Variants in CADPS2 observed in about 807,000 individuals in gnomAD.
CADPS2 encodes calcium dependent secretion activator 2, also known as calcium-dependent secretion activator 2.
CADPS2 carries 93 observed loss-of-function variants against 172.5 expected under a neutral mutation model. That is an observed-to-expected ratio of 0.54 (90% CI 0.46 to 0.64). The LOEUF (loss-of-function observed/expected upper bound fraction) is 0.64, where lower values mean the gene tolerates loss of function less well. Ranked by LOEUF, CADPS2 falls within the 30% of genes least tolerant of loss-of-function variation. The probability of loss-of-function intolerance (pLI) is 0.00; values close to 1 mark genes in which losing one functional copy is unlikely to be tolerated. For synonymous variants in CADPS2, 546 were observed against 555.2 expected, an observed-to-expected ratio of 0.98 and a Z score of 0.23; for missense variants, 1,420 against 1,565.9, an observed-to-expected ratio of 0.91 and a Z score of 1.57.
chr7:122,457,709 T>C (rs2053957699), intron 14 of CADPS2, among the ~76,000 whole-genome samples: 1 of 152,224 alleles, frequency 6.6e-6, no homozygotes, highest in Non-Finnish European at 1.5e-5. Flanking sequence ...GTTCTATTAC[T>C]TAATGAAAAC....
intron 9 of CADPS2, among the ~76,000 whole-genome samples, chr7:122,504,776 A>G (rs978894632): frequency 6.6e-6 from 1 of 151,878 alleles, no homozygotes; most frequent in Non-Finnish European, 1.5e-5. Flanking sequence ...CGTTGTTCAG[A>G]CTGGTCTCAA....
chr7:122,775,454 C>T (rs1479262419), intron 1 of CADPS2, among the ~76,000 whole-genome samples: 1 of 152,156 alleles, frequency 6.6e-6, no homozygotes, highest in Non-Finnish European at 1.5e-5. Context: ...CTGTGTCACA[C>T]CTGAGAAAAC....
intron 1 of CADPS2, among the ~76,000 whole-genome samples, chr7:122,742,320 G>A (rs745476131): frequency 2.6e-5 from 4 of 151,776 alleles, no homozygotes; most frequent in South Asian, 4.1e-4. Flanking sequence ...GCTTGAACCC[G>A]AGAGGCAGAG....
In CADPS2 at chr7:122,538,404, T is replaced by TA. The variant is rs769070728; in HGVS notation, c.1475+16145dup. On this transcript the variant is annotated intron_variant, in intron 8 of 29. Coordinates refer to ENST00000449022, the MANE Select transcript of CADPS2 (RefSeq NM_017954.11). ...AACACAAGGAGAAGCTTAATTAGTT[T>TA]AAAAAAAAAAAAAAGAACATTTACC... Among the ~76,000 whole-genome samples, 1,117 of 135,238 alleles carry TA rather than the reference T, an allele frequency of 8.3e-3. 6 individuals carry two copies. Among genetic ancestry groups the TA allele is most frequent in the African/African-American group, 0.019 (705 of 37,296 alleles). The allele number at this position is 135,238 out of a possible 152,430, so 88.7% of individuals were successfully genotyped here. A position where few individuals can be genotyped will look rare whatever the true frequency, so the allele number is the denominator to read the frequency against.
chr7:122,737,156 A>G lies in CADPS2; in HGVS notation c.340-88T>C, dbSNP rs190035785. Reference sequence around the variant, plus strand: ...AAAAATCATATTTGCTGTATATTAGATTTCACATCTAGAATTAACTTTATA... The same window carrying G: ...AAAAATCATATTTGCTGTATATTAGGTTTCACATCTAGAATTAACTTTATA... On this transcript the variant is annotated intron_variant, in intron 1 of 29. Coordinates refer to ENST00000449022, the MANE Select transcript of CADPS2 (RefSeq NM_017954.11). The G allele has an allele frequency of 1.5e-4, 102 of 681,436 alleles. No homozygotes were observed. In the East Asian group the frequency reaches 1.5e-3, roughly 10 times the overall value. 42.2% of individuals were successfully genotyped at this position (681,436 alleles called of 1,614,324 possible).
At chr7:122,424,859 T>A (rs919625796) in intron 17 of CADPS2, among the ~76,000 whole-genome samples, 2 of 152,208 alleles carry the variant, frequency 1.3e-5, no homozygotes, top group African/African-American at 4.8e-5. Context: ...AAGAAAGTTT[T>A]CTATGCTGTC....
chr7:122,375,492 T>C (rs146837854), intron 25 of CADPS2, among the ~76,000 whole-genome samples: 1 of 152,194 alleles, frequency 6.6e-6, no homozygotes, highest in East Asian at 1.9e-4. Context: ...AAGGATGGTT[T>C]CTTCAATAAA....
intron 1 of CADPS2, among the ~76,000 whole-genome samples, chr7:122,761,298 G>A (rs2093370419): frequency 6.6e-6 from 1 of 152,146 alleles, no homozygotes; most frequent in Non-Finnish European, 1.5e-5. Context: ...ACTCATTCCT[G>A]GAACATGGGC....
chr7:122,362,516 A>G (rs1348212432), intron 25 of CADPS2, among the ~76,000 whole-genome samples: 1 of 152,244 alleles, frequency 6.6e-6, no homozygotes, highest in East Asian at 1.9e-4. Flanking sequence ...CACATACACT[A>G]TAATACAGTA....
intron 1 of CADPS2, among the ~76,000 whole-genome samples, chr7:122,883,159 C>A (rs990299842): frequency 3.3e-5 from 5 of 152,192 alleles, no homozygotes; most frequent in African/African-American, 1.2e-4. Flanking sequence ...CTCTTACTAA[C>A]TTTGTGGACC....
chr7:122,538,135 T>C (rs1348358491), intron 8 of CADPS2, among the ~76,000 whole-genome samples: 1 of 98,232 alleles, frequency 1.0e-5, no homozygotes, highest in South Asian at 3.0e-4. Context: ...ATCCCACTTA[T>C]ACAAATTCAG....
chr7:122,833,566 T>C (rs1238217732), intron 1 of CADPS2, among the ~76,000 whole-genome samples: 1 of 151,982 alleles, frequency 6.6e-6, no homozygotes, highest in African/African-American at 2.4e-5. Context: ...TTTTGTTTTT[T>C]TGTAATTTTA....
At chr7:122,530,755 T>A (rs1237193582) in intron 8 of CADPS2, among the ~76,000 whole-genome samples, 1 of 152,196 alleles carries the variant, frequency 6.6e-6, no homozygotes, top group Non-Finnish European at 1.5e-5. Context: ...ACTTTAGCAT[T>A]CTATTTAATT....
At chr7:122,574,025 T>A (rs893804176) in intron 7 of CADPS2, among the ~76,000 whole-genome samples, 4 of 151,896 alleles carry the variant, frequency 2.6e-5, no homozygotes, top group East Asian at 3.9e-4. Flanking sequence ...GCAAAAAAAA[T>A]GTTTATCTTT....
chr7:122,540,132 A>G (rs1201245669), intron 8 of CADPS2, among the ~76,000 whole-genome samples: 1 of 152,020 alleles, frequency 6.6e-6, no homozygotes, highest in African/African-American at 2.4e-5. Context: ...TCATGACTAC[A>G]TTACAAGTTT....
chr7:122,395,272 C>G (rs1279727606), intron 20 of CADPS2, among the ~76,000 whole-genome samples: 1 of 152,138 alleles, frequency 6.6e-6, no homozygotes, highest in Non-Finnish European at 1.5e-5. Flanking sequence ...GGAAGTAATT[C>G]TAAACACAGA....
At chr7:122,371,388 C>T (rs116924866) in intron 25 of CADPS2, among the ~76,000 whole-genome samples, 2,333 of 151,492 alleles carry the variant, frequency 0.015, 30 homozygotes, top group Non-Finnish European at 0.024. Context: ...GAAAAGCAGG[C>T]ATCTTCTTCA....
At chr7:122,706,628 G>GTGTA (rs2087563091) in intron 2 of CADPS2, among the ~76,000 whole-genome samples, 1 of 145,486 alleles carries the variant, frequency 6.9e-6, no homozygotes, top group South Asian at 2.1e-4. Context: ...GTGTGTGTGT[G>GTGTA]TATATATATA....
At chr7:122,407,145 C>G (rs1384273669) in intron 20 of CADPS2, among the ~76,000 whole-genome samples, 2 of 152,176 alleles carry the variant, frequency 1.3e-5, no homozygotes, top group Non-Finnish European at 2.9e-5. Context: ...TGGACTTAAG[C>G]AGGAGCCTTA....
Sources: gnomAD v4.1 joint callset for allele counts (sites outside exome capture counted in the v4.1 genomes callset) on GRCh38, gnomAD v4.1.1 for gene constraint, MANE v1.5 for transcripts, NCBI Gene and HGNC (gene_info 2026-07-23, HGNC 2026-07-21) for gene names.